The following ARHGAP24 variants were observed in gnomAD, a reference collection of about 807,000 sequenced individuals.
ARHGAP24 encodes the protein Rho GTPase activating protein 24.
A neutral mutation model predicts 76.4 loss-of-function variants in ARHGAP24; 50 were observed. The ratio of observed to expected loss-of-function variants is 0.65; its 90% CI spans 0.52 to 0.83. The LOEUF is 0.83. Ranked by LOEUF, ARHGAP24 falls within the 40% of genes least tolerant of loss-of-function variation. The pLI is 0.00. For synonymous variants in ARHGAP24, 345 were observed against 323.3 expected (o/e 1.07, Z -0.72); for missense variants, 930 against 914.2 (o/e 1.02, Z -0.22).
intron 2 of ARHGAP24, among the ~76,000 whole-genome samples, chr4:85,578,637 A>G (rs958306293): frequency 1.3e-5 from 2 of 152,288 alleles, no homozygotes; most frequent in Admixed American, 6.5e-5. Flanking sequence ...TACATCATAA[A>G]ATACCTATCT....
intron 3 of ARHGAP24, among the ~76,000 whole-genome samples, chr4:85,751,886 T>C (rs1726278108): frequency 6.6e-6 from 1 of 152,206 alleles, no homozygotes; most frequent in African/African-American, 2.4e-5. Flanking sequence ...AAATAATGAA[T>C]ACAGATACTA....
intron 3 of ARHGAP24, among the ~76,000 whole-genome samples, chr4:85,750,188 T>G (rs944190744): frequency 6.6e-6 from 1 of 152,168 alleles, no homozygotes; most frequent in African/African-American, 2.4e-5. Context: ...TGTATAAGTG[T>G]CAGTTAGTGA....
chr4:85,979,078 G>A (rs1166059241), intron 8 of ARHGAP24, among the ~76,000 whole-genome samples: 1 of 152,022 alleles, frequency 6.6e-6, no homozygotes, highest in Non-Finnish European at 1.5e-5. Context: ...TTGATTCATG[G>A]TGCAATGTAA....
At chr4:85,824,807 C>T (rs993835895) in intron 3 of ARHGAP24, among the ~76,000 whole-genome samples, 8 of 152,046 alleles carry the variant, frequency 5.3e-5, no homozygotes, top group African/African-American at 1.9e-4. Flanking sequence ...AACTAAATAC[C>T]CGGCCAGGTT....
At chr4:85,957,997 G>T (rs796607000) in intron 5 of ARHGAP24, among the ~76,000 whole-genome samples, 29 of 152,260 alleles carry the variant, frequency 1.9e-4, no homozygotes, top group African/African-American at 6.5e-4. Context: ...GAAACCCAAT[G>T]GGGTTATAAA....
At chr4:85,937,864 A>C (rs1052056998) in intron 4 of ARHGAP24, among the ~76,000 whole-genome samples, 1 of 152,218 alleles carries the variant, frequency 6.6e-6, no homozygotes, top group African/African-American at 2.4e-5. Context: ...AAGGAGACAG[A>C]GTCACATACT....
At chr4:85,747,597 G>A (rs2110064558) in intron 3 of ARHGAP24, among the ~76,000 whole-genome samples, 1 of 152,202 alleles carries the variant, frequency 6.6e-6, no homozygotes, top group East Asian at 1.9e-4. Context: ...CAGCTACTCG[G>A]GAGGCTGAGG....
rs185746473 is a variant in ARHGAP24 at position 85,895,579 on chromosome 4, G to C, written c.269-28069G>C. 1.6e-3 allele frequency among the ~76,000 whole-genome samples: 245 copies of C among 152,130 alleles called. 3 individuals carry two copies. Among genetic ancestry groups the C allele is most frequent in the Non-Finnish European group, 4.4e-4 (30 of 67,986 alleles). ...AAATTTCTATTTTTTTGCAGCTATT[G>C]ATGTTTCATGGTCTACATTAATAAT... On this transcript the variant is annotated intron_variant, in intron 3 of 9. Coordinates refer to ENST00000395184, the MANE Select transcript of ARHGAP24 (RefSeq NM_001025616.3).
chr4:85,623,919 AT>A (rs1311904505), intron 2 of ARHGAP24, among the ~76,000 whole-genome samples: 2 of 151,454 alleles, frequency 1.3e-5, no homozygotes, highest in Non-Finnish European at 2.9e-5. Flanking sequence ...AATGCTTGTG[AT>A]TTTTGCACAG....
intron 1 of ARHGAP24, among the ~76,000 whole-genome samples, chr4:85,481,141 A>G (rs1457860638): frequency 2.0e-5 from 3 of 152,162 alleles, no homozygotes; most frequent in Non-Finnish European, 4.4e-5. Flanking sequence ...TACATACATT[A>G]CTTCTGATTT....
At chr4:85,542,351 T>C (rs1725738145) in intron 1 of ARHGAP24, among the ~76,000 whole-genome samples, 1 of 152,158 alleles carries the variant, frequency 6.6e-6, no homozygotes, top group South Asian at 2.1e-4. Flanking sequence ...GAATCTCTGG[T>C]CCACCTTGCA....
chr4:85,662,887 A>T (rs7442322), intron 2 of ARHGAP24, among the ~76,000 whole-genome samples: 142,935 of 152,144 alleles, frequency 0.94, 67,221 homozygotes, highest in African/African-American at 0.98. Context: ...ACCTCTGTTT[A>T]GGTACCAGTA....
intron 2 of ARHGAP24, among the ~76,000 whole-genome samples, chr4:85,572,662 G>C: frequency 6.6e-6 from 1 of 151,856 alleles, no homozygotes; most frequent in East Asian, 1.9e-4. Context: ...CATGTTACTA[G>C]TATTACTAGT....
rs1227431380 is a variant in ARHGAP24, at chr4:85,874,964, TA to T, written c.269-48681del. Among the ~76,000 whole-genome samples, 5 of 119,404 alleles carry T rather than the reference TA, an allele frequency of 4.2e-5. 1 individual carries two copies. The highest frequency in any genetic ancestry group is 1.0e-4 in the African/African-American group (3 of 29,142). 78.3% of individuals were successfully genotyped at this position (119,404 alleles called of 152,430 possible). ...AATATATTTTTATATAATTTATATATAAATATATTTTTATATAATTTATATA... is the reference window on the plus strand; with the variant it reads ...AATATATTTTTATATAATTTATATATAATATATTTTTATATAATTTATATA... On this transcript the variant is annotated intron_variant, in intron 3 of 9. Transcript: ENST00000395184.
At chr4:85,744,698 C>T (rs746651473) in intron 3 of ARHGAP24, among the ~76,000 whole-genome samples, 5 of 130,316 alleles carry the variant, frequency 3.8e-5, no homozygotes, top group Non-Finnish European at 6.9e-5. Flanking sequence ...ACATTCCTGA[C>T]TGACAGGACT....
chr4:85,885,772 G>A (rs1365335149), intron 3 of ARHGAP24, among the ~76,000 whole-genome samples: 1 of 152,082 alleles, frequency 6.6e-6, no homozygotes, highest in Non-Finnish European at 1.5e-5. Flanking sequence ...GTTATGGCTA[G>A]TAGAATGGTC....
At chr4:85,583,395 TG>T (rs1466747248) in intron 2 of ARHGAP24, among the ~76,000 whole-genome samples, 2 of 152,126 alleles carry the variant, frequency 1.3e-5, no homozygotes, top group South Asian at 2.1e-4. Context: ...ATTCATTAGA[TG>T]TTTTTTAATA....
At chr4:85,715,695 A>G (rs1322366707) in intron 2 of ARHGAP24, among the ~76,000 whole-genome samples, 2 of 152,078 alleles carry the variant, frequency 1.3e-5, no homozygotes, top group Admixed American at 6.6e-5. Flanking sequence ...AATATTTTTC[A>G]TAAGTGTACA....
chr4:85,637,549 C>G (rs896447213), intron 2 of ARHGAP24, among the ~76,000 whole-genome samples: 2 of 152,006 alleles, frequency 1.3e-5, no homozygotes, highest in Non-Finnish European at 2.9e-5. Flanking sequence ...ATGGGGCTAA[C>G]TGAGCACTTG....
Sources: allele counts gnomAD v4.1 joint callset (sites outside exome capture counted in the v4.1 genomes callset), GRCh38; gene constraint gnomAD v4.1.1; transcripts MANE v1.5; gene names NCBI Gene and HGNC (gene_info 2026-07-23, HGNC 2026-07-21).